Variants in NUP188 observed in about 807,000 individuals in gnomAD.
NUP188 encodes nucleoporin 188.
In NUP188, 97 loss-of-function variants were observed where a neutral mutation model predicts 223.0. The observed-to-expected ratio is 0.43, with a 90% CI of 0.37 to 0.51. NUP188 has a LOEUF of 0.51. Among genes scored for constraint, NUP188 ranks in the 20% least tolerant of loss-of-function variants. The pLI is 0.00. For synonymous variants in NUP188, 869 were observed against 828.0 expected (o/e 1.05, Z -0.85); for missense variants, 1,947 against 2,175.6 (o/e 0.89, Z 2.09).
intron 3 of NUP188, among the ~76,000 whole-genome samples, chr9:128,955,295 AT>A (rs1841853605): frequency 6.6e-6 from 1 of 151,856 alleles, no homozygotes; most frequent in South Asian, 2.1e-4. Context: ...TTCCTATTTT[AT>A]TTTTTGGAAG....
intron 11 of NUP188, 28 bp from the exon 12 acceptor site, chr9:128,973,132 T>A: frequency 6.8e-7 from 1 of 1,470,044 alleles, no homozygotes; most frequent in South Asian, 1.1e-5. Flanking sequence ...TTACTCAGAA[T>A]GATTCACTGA....
In NUP188 at chr9:128,977,874, G is replaced by A. The variant is rs1036113550; in HGVS notation, c.1204-1388G>A. 2.0e-5 allele frequency among the ~76,000 whole-genome samples: 3 copies of A among 152,128 alleles called. No individual in the cohort carries two copies. The South Asian group carries it at 6.2e-4, about 31-fold the overall frequency. ...CCTAGTAATAACTTACATTTATGTG[G>A]CATTTTTGAATTTACAGTCTACTTC... is the stretch of plus-strand genomic sequence containing the variant. On this transcript the variant is annotated intron_variant, in intron 12 of 43. Coordinates refer to ENST00000372577, the MANE Select transcript of NUP188 (RefSeq NM_015354.3).
Position 128,983,021 on chromosome 9 carries a change from C to G in NUP188, c.1789C>G (p.Leu597Val), listed in dbSNP as rs1842278996. 2.5e-6 allele frequency: 4 copies of G among 1,613,920 alleles called. No homozygotes were observed. The highest frequency in any genetic ancestry group is 2.5e-6 in the Non-Finnish European group (3 of 1,180,020). Residue 597 changes from leucine to valine, a missense_variant, in exon 17 of 44, where the codon CTG becomes GTG. Physicochemically the swap from Leu to Val is conservative, Grantham distance 32 (BLOSUM62 1). Coordinates refer to ENST00000372577, the MANE Select transcript of NUP188 (RefSeq NM_015354.3). ...LPITSRIYMLLQRLTTVISPP... is the reference protein window; with the variant it reads ...LPITSRIYMLVQRLTTVISPP... ...CATCACATCTCGCATCTACATGCTGCTGCAGCGGTGAGTCTGTCTTGGCTG... is the reference window on the plus strand; with the variant it reads ...CATCACATCTCGCATCTACATGCTGGTGCAGCGGTGAGTCTGTCTTGGCTG...
chr9:128,971,517 C>A lies in NUP188; in HGVS notation c.1113+559C>A, dbSNP rs533184769. 1.2e-4 allele frequency among the ~76,000 whole-genome samples: 18 copies of A among 152,148 alleles called. 1 individual carries two copies. Among genetic ancestry groups the A allele is most frequent in the Non-Finnish European group, 1.5e-5 (1 of 67,998 alleles). On this transcript the variant is annotated intron_variant, in intron 11 of 43. Transcript: ENST00000372577. ...CACTGCAACCTCTGCCTCCCAAGTT[C>A]AAGCGATTCTCCTGCCTCAGCCTCC...
At chr9:128,995,083 G>A in intron 29 of NUP188, 160 bp downstream of exon 29, 1 of 654,434 alleles carries the variant, frequency 1.5e-6, no homozygotes, top group East Asian at 2.6e-5. Context: ...CCAATCCACC[G>A]ATGGCATTTA....
In NUP188 at chr9:128,968,314, G is replaced by A. The variant is rs541106964; in HGVS notation, c.586-192G>A. 6.6e-5 allele frequency among the ~76,000 whole-genome samples: 10 copies of A among 152,204 alleles called. No individual in the cohort carries two copies. In the South Asian group the frequency reaches 1.9e-3, roughly 28 times the overall value. ...ATACGGACCAGGTGCAGTGGCTTGC[G>A]CCTGTAGTCTCAGCTATTTAGGAGG... On this transcript the variant is annotated intron_variant, in intron 8 of 43. Transcript: ENST00000372577.
chr9:128,984,018 T>C (rs1036248706), intron 19 of NUP188, among the ~76,000 whole-genome samples: 1 of 151,922 alleles, frequency 6.6e-6, no homozygotes, highest in African/African-American at 2.4e-5. Context: ...GACGAGGTCT[T>C]ACCATGTTGG....
chr9:128,979,137 G>A (rs1842220155), intron 12 of NUP188, 125 bp from the exon 13 acceptor site: 1 of 593,562 alleles, frequency 1.7e-6, no homozygotes, highest in East Asian at 3.1e-5. Context: ...CTCCTGGATT[G>A]AAGTGGTCTT....
At position 129,006,750 on chromosome 9, in the gene NUP188, G is replaced by A; in HGVS notation, c.*72G>A. The A allele has an allele frequency of 6.7e-7, 1 of 1,495,762 alleles. No homozygotes were observed. Among genetic ancestry groups the A allele is most frequent in the Non-Finnish European group, 9.0e-7 (1 of 1,115,000 alleles). The allele number at this position is 1,495,762 out of a possible 1,614,324, so 92.7% of individuals were successfully genotyped here. A position where few individuals can be genotyped will look rare whatever the true frequency, so the allele number is the denominator to read the frequency against. ...CACCCTGGCTGGCAGGGGTGCTGCTGGCTGCTAGGGCCTATACAATGGAGG... is the reference window on the plus strand; with the variant it reads ...CACCCTGGCTGGCAGGGGTGCTGCTAGCTGCTAGGGCCTATACAATGGAGG... On this transcript the variant is annotated 3_prime_UTR_variant, in exon 44 of 44. Transcript: ENST00000372577.
rs17455468 is a variant in NUP188 at position 129,006,833 on chromosome 9, G to A, written c.*155G>A. On this transcript the variant is annotated 3_prime_UTR_variant, in exon 44 of 44. Transcript: ENST00000372577. Reference sequence around the variant, plus strand: ...ACGACTCCAGCCACCACCCACTGACGTTATTTTTATACTAGATGAAGAGGT... The same window carrying A: ...ACGACTCCAGCCACCACCCACTGACATTATTTTTATACTAGATGAAGAGGT... 2.8e-3 allele frequency: 1,939 copies of A among 701,386 alleles called. 3 individuals are homozygous for A. The highest frequency in any genetic ancestry group is 3.6e-3 in the Non-Finnish European group (1,620 of 444,784). The allele number at this position is 701,386 out of a possible 1,614,324, so 43.4% of individuals were successfully genotyped here. A position where few individuals can be genotyped will look rare whatever the true frequency, so the allele number is the denominator to read the frequency against.
intron 16 of NUP188, 37 bp from the exon 17 acceptor site, chr9:128,982,865 T>G (rs751978123): frequency 1.2e-6 from 2 of 1,613,098 alleles, no homozygotes; most frequent in Non-Finnish European, 8.5e-7. Context: ...TTAAAGGGGT[T>G]GTTTGCCGTG....
At chr9:128,991,012 C>T (rs142701793) in intron 25 of NUP188, among the ~76,000 whole-genome samples, 3,197 of 152,078 alleles carry the variant, frequency 0.021, 119 homozygotes, top group African/African-American at 0.073. Flanking sequence ...AGCGAGACTC[C>T]GTCTCAAGAT....
At chr9:128,987,766 A>C (rs777752349) in intron 23 of NUP188, 49 bp downstream of exon 23, 15 of 1,591,430 alleles carry the variant, frequency 9.4e-6, no homozygotes, top group Non-Finnish European at 1.3e-5. Flanking sequence ...TTGTGCCTGC[A>C]TGTTACTAAT....
chr9:128,967,672 C>T (rs17481254), intron 8 of NUP188, among the ~76,000 whole-genome samples: 2,097 of 152,108 alleles, frequency 0.014, 25 homozygotes, highest in Non-Finnish European at 0.022. Flanking sequence ...CGCCTGTAAT[C>T]CCAGCTACTC....
At position 128,973,165 on chromosome 9, in the gene NUP188, C is replaced by T; in HGVS notation, c.1119C>T (p.Thr373=). The change falls in exon 12 of 44, where the codon ACC becomes ACT. Residue 373 remains threonine, a synonymous_variant. Transcript: ENST00000372577. ...QSLASGGNDC[T]TSTACMCVYG... ...TGACTCCTTTGTCATTCCAGTGCAC[C>T]ACCAGCACTGCATGCATGTGTGTCT... 1 of 1,609,778 alleles carries T rather than the reference C, an allele frequency of 6.2e-7. No individual in the cohort carries two copies. Among genetic ancestry groups the T allele is most frequent in the East Asian group, 2.2e-5 (1 of 44,780 alleles).
intron 38 of NUP188, 143 bp from the exon 39 acceptor site, chr9:129,005,002 AGG>A (rs1842752482): frequency 1.5e-6 from 1 of 679,460 alleles, no homozygotes; most frequent in Non-Finnish European, 2.7e-6. Context: ...GAGGGAGAGA[AGG>A]GGAGCATGAG....
chr9:128,960,066 T>TC (rs1469167703), intron 8 of NUP188, among the ~76,000 whole-genome samples: 1 of 138,916 alleles, frequency 7.2e-6, no homozygotes, highest in East Asian at 2.0e-4. Flanking sequence ...ATTCTTTTTT[T>TC]TTTTTTTTTT....
intron 25 of NUP188, among the ~76,000 whole-genome samples, chr9:128,992,619 A>T (rs1842452202): frequency 6.6e-6 from 1 of 151,802 alleles, no homozygotes; most frequent in South Asian, 2.1e-4. Flanking sequence ...CCTTTTTTTA[A>T]TTTGGACTTC....
chr9:129,007,027 C>A lies in NUP188; in HGVS notation c.*349C>A, dbSNP rs967777097. The stretch of plus-strand genomic sequence containing the variant: ...GCACGGGTTTCAAACCTGTTTTCCA[C>A]ACTCTGTCTTTGCAGTTTTGGTAAT... On this transcript the variant is annotated 3_prime_UTR_variant, in exon 44 of 44. Transcript: ENST00000372577. 3 of 221,026 alleles carry A rather than the reference C, an allele frequency of 1.4e-5. No individual in the cohort carries two copies. Among genetic ancestry groups the A allele is most frequent in the Admixed American group, 1.1e-4 (2 of 18,788 alleles). 13.7% of individuals were successfully genotyped at this position (221,026 alleles called of 1,614,324 possible). A position where few individuals can be genotyped will look rare whatever the true frequency, so the allele number is the denominator to read the frequency against.
Sources: gnomAD v4.1 joint callset for allele counts (sites outside exome capture counted in the v4.1 genomes callset) on GRCh38, gnomAD v4.1.1 for gene constraint, MANE v1.5 for transcripts, NCBI Gene and HGNC (gene_info 2026-07-23, HGNC 2026-07-21) for gene names.